The following CHCHD3 variants were observed in gnomAD, a reference collection of about 807,000 sequenced individuals.
The protein encoded by CHCHD3 is MICOS complex subunit MIC19.
A neutral mutation model predicts 38.2 loss-of-function variants in CHCHD3; 20 were observed. The observed-to-expected ratio is 0.52, with a 90% CI of 0.37 to 0.76. The LOEUF (loss-of-function observed/expected upper bound fraction) is 0.76. Ranked by LOEUF, CHCHD3 falls within the 30% of genes least tolerant of loss-of-function variation. The pLI is 0.00. For synonymous variants in CHCHD3, 82 were observed against 100.0 expected (o/e 0.82, Z 1.07); for missense variants, 245 against 279.2 (o/e 0.88, Z 0.87).
At chr7:132,902,577 C>A (rs1170675354) in intron 4 of CHCHD3, among the ~76,000 whole-genome samples, 1 of 152,074 alleles carries the variant, frequency 6.6e-6, no homozygotes, top group African/African-American at 2.4e-5. Flanking sequence ...GACAGAAAAC[C>A]AAACACCACA....
chr7:133,038,121 T>C (rs1402794041), intron 2 of CHCHD3, among the ~76,000 whole-genome samples: 3 of 152,178 alleles, frequency 2.0e-5, no homozygotes, highest in Non-Finnish European at 2.9e-5. Context: ...TTAAAGTATC[T>C]AAAAGTAGGT....
At chr7:132,919,775 TGG>T (rs1366480766) in intron 4 of CHCHD3, among the ~76,000 whole-genome samples, 1 of 152,202 alleles carries the variant, frequency 6.6e-6, no homozygotes, top group Non-Finnish European at 1.5e-5. Flanking sequence ...CTGTGCTCCT[TGG>T]GACCCAAACC....
At chr7:132,878,688 A>T (rs1454386266) in intron 5 of CHCHD3, among the ~76,000 whole-genome samples, 1 of 152,214 alleles carries the variant, frequency 6.6e-6, no homozygotes, top group Non-Finnish European at 1.5e-5. Context: ...GAAAACTGAA[A>T]GCAATCCATG....
chr7:132,903,197 AT>A (rs2117206490), intron 4 of CHCHD3, among the ~76,000 whole-genome samples: 1 of 152,366 alleles, frequency 6.6e-6, no homozygotes. Flanking sequence ...GTATTTGCAT[AT>A]AAACTATGTA....
intron 5 of CHCHD3, among the ~76,000 whole-genome samples, chr7:132,862,452 A>T (rs1228583076): frequency 6.6e-6 from 1 of 152,212 alleles, no homozygotes; most frequent in Non-Finnish European, 1.5e-5. Context: ...AAAAGTACAT[A>T]ATCTTAATTT....
chr7:132,945,251 G>A (rs1023764370), intron 4 of CHCHD3, among the ~76,000 whole-genome samples: 4 of 151,794 alleles, frequency 2.6e-5, no homozygotes, highest in African/African-American at 9.7e-5. Flanking sequence ...TTTCAAAAAG[G>A]TTCCCCTTAA....
At chr7:132,949,626 A>C (rs1467482573) in intron 4 of CHCHD3, among the ~76,000 whole-genome samples, 1 of 152,200 alleles carries the variant, frequency 6.6e-6, no homozygotes, top group Non-Finnish European at 1.5e-5. Context: ...TAAAAGTAAC[A>C]CACCTAGCAA....
chr7:132,828,390 C>T (rs1342559383), intron 6 of CHCHD3, among the ~76,000 whole-genome samples: 1 of 152,148 alleles, frequency 6.6e-6, no homozygotes, highest in Non-Finnish European at 1.5e-5. Flanking sequence ...ATTCTTACAT[C>T]TTCCTTTGAA....
chr7:132,992,709 G>C lies in CHCHD3; in HGVS notation c.252-17423C>G, dbSNP rs976127314. 2.0e-5 allele frequency among the ~76,000 whole-genome samples: 3 copies of C among 152,158 alleles called. No homozygotes were observed. In the East Asian group the frequency reaches 5.8e-4, roughly 29 times the overall value. ...ATTTCTACCTTTTTTACTTGTGACA[G>C]AACTAGTAGAAAATTAACTACAATG... On this transcript the variant is annotated intron_variant, in intron 3 of 7. Transcript: ENST00000262570.
chr7:132,799,791 A>T (rs1806739812), intron 6 of CHCHD3, among the ~76,000 whole-genome samples: 1 of 152,156 alleles, frequency 6.6e-6, no homozygotes, highest in Admixed American at 6.5e-5. Flanking sequence ...CCTTTCATGG[A>T]TCCTACCATA....
In CHCHD3 at chr7:132,862,064, T is replaced by TGATGGATGGATG. The variant is rs10666936; in HGVS notation, c.453+23586_454-23596dup. ...TTGAAATCCAGCACTTAATGTTTGC[T>TGATGGATGGATG]GATGGATGGATGGATGGATGGATGG... is the stretch of plus-strand genomic sequence containing the variant. On this transcript the variant is annotated intron_variant, in intron 5 of 7. Transcript: ENST00000262570. Among the ~76,000 whole-genome samples, 266 of 145,812 alleles carry TGATGGATGGATG rather than the reference T, an allele frequency of 1.8e-3. 1 individual carries two copies. The highest frequency in any genetic ancestry group is 2.8e-3 in the Admixed American group (41 of 14,536).
intron 2 of CHCHD3, chr7:133,034,823 G>A (rs1324542308): frequency 6.2e-7 from 1 of 1,611,468 alleles, no homozygotes; most frequent in Non-Finnish European, 8.5e-7. Context: ...AGCTGCTATT[G>A]TTGGTTCCAA....
At chr7:132,926,059 A>G (rs1810370372) in intron 4 of CHCHD3, among the ~76,000 whole-genome samples, 1 of 152,248 alleles carries the variant, frequency 6.6e-6, no homozygotes, top group East Asian at 1.9e-4. Flanking sequence ...CTGAAGTGCC[A>G]GATTTAGCTG....
intron 5 of CHCHD3, among the ~76,000 whole-genome samples, chr7:132,875,002 AC>A (rs1808859525): frequency 6.6e-6 from 1 of 152,116 alleles, no homozygotes; most frequent in Non-Finnish European, 1.5e-5. Flanking sequence ...AGGAATTCCA[AC>A]AGTGAAATTC....
intron 5 of CHCHD3, among the ~76,000 whole-genome samples, chr7:132,872,914 C>T (rs1438951592): frequency 2.0e-5 from 3 of 151,918 alleles, no homozygotes; most frequent in African/African-American, 7.3e-5. Context: ...ATCAGCCGGG[C>T]AGACATGGTG....
At chr7:132,893,812 G>A (rs574179676) in intron 4 of CHCHD3, among the ~76,000 whole-genome samples, 15 of 152,262 alleles carry the variant, frequency 9.9e-5, no homozygotes, top group African/African-American at 3.6e-4. Context: ...TAAAAAAGGT[G>A]CCTGCTTCCC....
chr7:132,833,017 C>T (rs1370217363), intron 6 of CHCHD3, among the ~76,000 whole-genome samples: 1 of 152,158 alleles, frequency 6.6e-6, no homozygotes, highest in African/African-American at 2.4e-5. Context: ...CACATAGTTT[C>T]ATAACTTTTG....
rs145623828 is a variant in CHCHD3 at position 132,803,000 on chromosome 7, G to T, written c.525-6423C>A. On this transcript the variant is annotated intron_variant, in intron 6 of 7. Transcript: ENST00000262570. Reference sequence around the variant, plus strand: ...TAACAATGCTTGAAATATTGTTATTGCTTAACAAATGTCAAATAATAACGC... The same window carrying T: ...TAACAATGCTTGAAATATTGTTATTTCTTAACAAATGTCAAATAATAACGC... Among the ~76,000 whole-genome samples the T allele has an allele frequency of 2.0e-3, 311 of 152,000 alleles. 1 individual carries two copies. Among genetic ancestry groups the T allele is most frequent in the Admixed American group, 4.7e-3 (72 of 15,262 alleles).
chr7:132,941,793 A>G (rs957511220), intron 4 of CHCHD3, among the ~76,000 whole-genome samples: 1 of 152,138 alleles, frequency 6.6e-6, no homozygotes, highest in Non-Finnish European at 1.5e-5. Flanking sequence ...ATCAACAACA[A>G]CAGCTCTTGG....
Sources: gnomAD v4.1 joint callset for allele counts (sites outside exome capture counted in the v4.1 genomes callset) on GRCh38, gnomAD v4.1.1 for gene constraint, MANE v1.5 for transcripts, NCBI Gene and HGNC (gene_info 2026-07-23, HGNC 2026-07-21) for gene names.